PCDHB1: variants seen among roughly 807,000 people sequenced by gnomAD.
PCDHB1 encodes the protein protocadherin beta 1.
A neutral mutation model predicts 43.5 loss-of-function variants in PCDHB1; 44 were observed. The observed-to-expected ratio is 1.01, with a 90% CI of 0.79 to 1.30. PCDHB1 has a LOEUF of 1.30. Ranked by LOEUF, PCDHB1 falls within the 50% of genes most tolerant of loss-of-function variation. The probability of loss-of-function intolerance (pLI) is 0.00; values close to 1 mark genes in which losing one functional copy is unlikely to be tolerated. For missense variants in PCDHB1, 919 were observed against 1,008.9 expected (o/e 0.91, Z 1.21); for synonymous variants, 392 against 400.8 (o/e 0.98, Z 0.26).
In PCDHB1 at chr5:141,052,424, C is replaced by T. The variant is rs782301495; in HGVS notation, c.954C>T (p.Asp318=). The T allele has an allele frequency of 2.0e-5, 33 of 1,614,102 alleles. No homozygotes were observed. Among genetic ancestry groups the T allele is most frequent in the Middle Eastern group, 1.6e-4 (1 of 6,084 alleles). ...AAGCCATTGAAACATACGACATTGA[C>T]ATTCAAGCTACAGATGGTGGAGGCC... The part of the protein sequence containing the change: ...DFEAIETYDI[D]IQATDGGGLS... The change falls in exon 1 of 1, where the codon GAC becomes GAT. Residue 318 remains aspartate (D), a synonymous_variant. Transcript: ENST00000306549.
rs1304018317 is a variant in PCDHB1, at chr5:141,055,918, A to G, written c.*1991A>G. The G allele has an allele frequency of 1.3e-5, 2 of 152,208 alleles. No homozygotes were observed. Among genetic ancestry groups the G allele is most frequent in the Non-Finnish European group, 2.9e-5 (2 of 68,042 alleles). 9.4% of individuals were successfully genotyped at this position (152,208 alleles called of 1,614,324 possible). The stretch of plus-strand genomic sequence containing the variant: ...CTTGAAAGTCAAAAGTTTGCTTTAG[A>G]GAAGGGCATGGTGGCTCATACCTGT... On this transcript the variant is annotated 3_prime_UTR_variant, in exon 1 of 1. Transcript: ENST00000306549.
At position 141,055,516 on chromosome 5, in the gene PCDHB1, T is replaced by C. The variant is rs1186109006; in HGVS notation, c.*1589T>C. 3.3e-5 allele frequency: 5 copies of C among 152,226 alleles called. No individual in the cohort carries two copies. Among genetic ancestry groups the C allele is most frequent in the South Asian group, 2.1e-4 (1 of 4,832 alleles). 9.4% of individuals were successfully genotyped at this position (152,226 alleles called of 1,614,324 possible). On this transcript the variant is annotated 3_prime_UTR_variant, in exon 1 of 1. Transcript: ENST00000306549. ...GAACACTCTAAACTATTTTGTGCCA[T>C]TAAGTGTACACAACATTTATTGTAA...
Position 141,052,500 on chromosome 5 carries a change from C to A in PCDHB1, c.1030C>A (p.Pro344Thr). ...LVEVVDVNDNPPEVMVSSVSS... is the reference protein window; with the variant it reads ...LVEVVDVNDNTPEVMVSSVSS... ...AGAAGTGGTGGATGTGAATGACAAT[C>A]CTCCCGAAGTGATGGTCTCCTCTGT... Residue 344 changes from proline to threonine, a missense_variant, in exon 1 of 1, where the codon CCT (proline) becomes ACT (threonine). By Grantham distance (38) the Pro-to-Thr change is conservative. Transcript: ENST00000306549. The A allele has an allele frequency of 8.7e-6, 14 of 1,614,212 alleles. No individual in the cohort carries two copies. Among genetic ancestry groups the A allele is most frequent in the Non-Finnish European group, 1.2e-5 (14 of 1,180,038 alleles).
Position 141,052,567 on chromosome 5 carries a change from T to C in PCDHB1, c.1097T>C (p.Val366Ala), listed in dbSNP as rs1445032639. The change falls in exon 1 of 1, where the codon GTA becomes GCA. Residue 366 changes from valine (V) to alanine (A), a missense_variant. Coordinates refer to ENST00000306549, the MANE Select transcript of PCDHB1 (RefSeq NM_013340.4). ...LPEDSPPQTVVALFTIRDRDI... is the reference protein window; with the variant it reads ...LPEDSPPQTVAALFTIRDRDI... The stretch of plus-strand genomic sequence containing the variant: ...GAAGACTCACCACCACAGACAGTAG[T>C]AGCCCTTTTCACTATCAGAGACCGG... The C allele has an allele frequency of 6.8e-6, 11 of 1,614,026 alleles. No homozygotes were observed. The highest frequency in any genetic ancestry group is 1.6e-4 in the Middle Eastern group (1 of 6,084).
Position 141,051,932 on chromosome 5 carries a change from G to A in PCDHB1, c.462G>A (p.Leu154=). 1 of 1,614,200 alleles carries A rather than the reference G, an allele frequency of 6.2e-7. No individual in the cohort carries two copies. Among genetic ancestry groups the A allele is most frequent in the Non-Finnish European group, 8.5e-7 (1 of 1,180,032 alleles). ...ESTPLGSRFP[L]QSAQDLDVGL... ...CCCCTTTGGGTTCACGTTTTCCTCT[G>A]CAGAGCGCCCAGGATCTGGACGTGG... Residue 154 remains leucine, a synonymous_variant, in exon 1 of 1, where the codon CTG becomes CTA. Coordinates refer to ENST00000306549, the MANE Select transcript of PCDHB1 (RefSeq NM_013340.4).
rs1378809214 is a variant in PCDHB1, at chr5:141,054,562, T to C, written c.*635T>C. 1.3e-5 allele frequency: 2 copies of C among 152,100 alleles called. No individual in the cohort carries two copies. The highest frequency in any genetic ancestry group is 1.9e-4 in the East Asian group (1 of 5,190). The allele number at this position is 152,100 out of a possible 1,614,324, so 9.4% of individuals were successfully genotyped here. A position where few individuals can be genotyped will look rare whatever the true frequency, so the allele number is the denominator to read the frequency against. ...AAATGGTGATCTTCACAAATAATCA[T>C]GGTGGGAGGAAGGGTGGAGAAAGAA... On this transcript the variant is annotated 3_prime_UTR_variant, in exon 1 of 1. Coordinates refer to ENST00000306549, the MANE Select transcript of PCDHB1 (RefSeq NM_013340.4).
At position 141,057,199 on chromosome 5, in the gene PCDHB1, C is replaced by T. The variant is rs991311143; in HGVS notation, c.*3272C>T. On this transcript the variant is annotated 3_prime_UTR_variant, in exon 1 of 1. Transcript: ENST00000306549. The stretch of plus-strand genomic sequence containing the variant: ...TTCACATTAAATGAGATAAAATCTA[C>T]CACTTCACGCCACCATTATTCCATA... 6.6e-6 allele frequency: 1 copy of T among 151,964 alleles called. No individual in the cohort carries two copies. The highest frequency in any genetic ancestry group is 2.4e-5 in the African/African-American group (1 of 41,372). 9.4% of individuals were successfully genotyped at this position (151,964 alleles called of 1,614,324 possible).
rs193187032 is a variant in PCDHB1, at chr5:141,058,054, C to T, written c.*4127C>T. 6.6e-6 allele frequency: 1 copy of T among 152,236 alleles called. No individual in the cohort carries two copies. The highest frequency in any genetic ancestry group is 1.5e-5 in the Non-Finnish European group (1 of 68,008). 9.4% of individuals were successfully genotyped at this position (152,236 alleles called of 1,614,324 possible). A position where few individuals can be genotyped will look rare whatever the true frequency, so the allele number is the denominator to read the frequency against. On this transcript the variant is annotated 3_prime_UTR_variant, in exon 1 of 1. Transcript: ENST00000306549. ...ATACTATAGATAGTTCCTGTATATC[C>T]TTCACCTAACTTCCCGGAATGCTAA...
Position 141,051,855 on chromosome 5 carries a change from A to T in PCDHB1, c.385A>T (p.Asn129Tyr). The change falls in exon 1 of 1, where the codon AAT becomes TAT. Residue 129 changes from asparagine to tyrosine, a missense_variant. Physicochemically the swap from Asn to Tyr is moderately radical, Grantham distance 143 (BLOSUM62 -2). Coordinates refer to ENST00000306549, the MANE Select transcript of PCDHB1 (RefSeq NM_013340.4). ...GGTCAGGGTATTTGATATCAATGAC[A>T]ATGCCCCAGTTTTCCTAAACAAGGA... ...AEVRVFDIND[N>Y]APVFLNKEPL... 2.5e-6 allele frequency: 4 copies of T among 1,614,218 alleles called. No homozygotes were observed. The highest frequency in any genetic ancestry group is 3.4e-6 in the Non-Finnish European group (4 of 1,180,036).
rs1751113134 is a variant in PCDHB1 at position 141,055,448 on chromosome 5, A to C, written c.*1521A>C. On this transcript the variant is annotated 3_prime_UTR_variant, in exon 1 of 1. Transcript: ENST00000306549. Reference sequence around the variant, plus strand: ...CAAAAACATAAAAATAAATACATAAATACATAAATACATAAGGCCTGCTGT... The same window carrying C: ...CAAAAACATAAAAATAAATACATAACTACATAAATACATAAGGCCTGCTGT... The C allele has an allele frequency of 6.6e-6, 1 of 152,144 alleles. No individual in the cohort carries two copies. Among genetic ancestry groups the C allele is most frequent in the Admixed American group, 6.5e-5 (1 of 15,268 alleles). The allele number at this position is 152,144 out of a possible 1,614,324, so 9.4% of individuals were successfully genotyped here.
Position 141,051,832 on chromosome 5 carries a change from T to C in PCDHB1, c.362T>C (p.Val121Ala). Residue 121 changes from valine to alanine, a missense_variant, in exon 1 of 1, where the codon GTC (valine) becomes GCC (alanine). Coordinates refer to ENST00000306549, the MANE Select transcript of PCDHB1 (RefSeq NM_013340.4). ...CCGCTGCAGTCCTTCCGGGCCGAGG[T>C]CAGGGTATTTGATATCAATGACAAT... Reference protein sequence around the residue: ...VEPLQSFRAEVRVFDINDNAP... With the variant: ...VEPLQSFRAEARVFDINDNAP... 1 of 1,614,104 alleles carries C rather than the reference T, an allele frequency of 6.2e-7. No individual in the cohort carries two copies. The highest frequency in any genetic ancestry group is 8.5e-7 in the Non-Finnish European group (1 of 1,180,022).
In PCDHB1 at chr5:141,051,595, G is replaced by A. The variant is rs140398806; in HGVS notation, c.125G>A (p.Gly42Asp). The change falls in exon 1 of 1, where the codon GGC becomes GAC. Residue 42 changes from glycine (G) to aspartate (D), a missense_variant. Physicochemically the swap from Gly to Asp is moderately conservative, Grantham distance 94. Transcript: ENST00000306549. ...RYSVAEEMES[G>D]SFVANVAKDL... ...TCAGTGGCAGAGGAAATGGAGAGCG[G>A]CTCGTTTGTGGCCAACGTAGCTAAG... 45 of 1,614,250 alleles carry A rather than the reference G, an allele frequency of 2.8e-5. No individual in the cohort carries two copies. In the African/African-American group the frequency reaches 5.2e-4, roughly 19 times the overall value.
rs1588283109 is a variant in PCDHB1, at chr5:141,052,332, A to G, written c.862A>G (p.Ile288Val). The change falls in exon 1 of 1, where the codon ATT becomes GTT. Residue 288 changes from isoleucine (I) to valine (V), a missense_variant. By Grantham distance (29) the Ile-to-Val change is conservative. Transcript: ENST00000306549. Reference protein sequence around the residue: ...TYSLAQNPEAILKTFQIDPQN... With the variant: ...TYSLAQNPEAVLKTFQIDPQN... ...CTCTTTAGCTCAAAACCCAGAAGCA[A>G]TTCTCAAGACGTTTCAGATTGACCC... The G allele has an allele frequency of 1.2e-6, 2 of 1,614,236 alleles. No homozygotes were observed. Among genetic ancestry groups the G allele is most frequent in the Middle Eastern group, 1.6e-4 (1 of 6,062 alleles).
chr5:141,051,554 G>A lies in PCDHB1; in HGVS notation c.84G>A (p.Ala28=), dbSNP rs782026977. The change falls in exon 1 of 1, where the codon GCG becomes GCA. Residue 28 remains alanine (A), a synonymous_variant. Transcript: ENST00000306549. ...LIFLCISVGD[A]TTIRYSVAEE... is the part of the protein sequence containing the mutation. ...TTCTGTGCATATCTGTGGGGGATGC[G>A]ACAACTATCCGCTATTCAGTGGCAG... 14 of 1,614,234 alleles carry A rather than the reference G, an allele frequency of 8.7e-6. No individual in the cohort carries two copies. The East Asian group carries it at 3.1e-4, about 36-fold the overall frequency.
rs1485717502 is a variant in PCDHB1 at position 141,051,716 on chromosome 5, A to G, written c.246A>G (p.Gly82=). The G allele has an allele frequency of 1.9e-6, 3 of 1,614,162 alleles. No homozygotes were observed. The highest frequency in any genetic ancestry group is 2.5e-6 in the Non-Finnish European group (3 of 1,180,038). ...ATTTCCGGCTCCACCGCAAGACGGG[A>G]GATTTGTTTGTGAAGGAGAAACTGG... ...KMHFRLHRKT[G]DLFVKEKLDR... is the part of the protein sequence containing the mutation. The change falls in exon 1 of 1, where the codon GGA becomes GGG. Residue 82 remains glycine, a synonymous_variant. Transcript: ENST00000306549.
Position 141,051,510 on chromosome 5 carries a change from G to A in PCDHB1, c.40G>A (p.Val14Met). ...CAGAAAATCTTTGCAAAACAGGCAA[G>A]TGGGATCTCTTCTCATTTTTCTGTG... The part of the protein sequence containing the change: ...TRRKSLQNRQ[V>M]GSLLIFLCIS... Residue 14 changes from valine (V) to methionine (M), a missense_variant, in exon 1 of 1, where the codon GTG becomes ATG. Coordinates refer to ENST00000306549, the MANE Select transcript of PCDHB1 (RefSeq NM_013340.4). The A allele has an allele frequency of 4.3e-6, 7 of 1,614,278 alleles. No individual in the cohort carries two copies. The highest frequency in any genetic ancestry group is 5.1e-6 in the Non-Finnish European group (6 of 1,180,050).
In PCDHB1 at chr5:141,052,900, A is replaced by G; in HGVS notation, c.1430A>G (p.Glu477Gly). ...GTTTTTATTGGCAAAGTCCATGCTG[A>G]GGATCTTGATTTGGGTGAGAATGCC... ...PAVFIGKVHA[E>G]DLDLGENAQI... The change falls in exon 1 of 1, where the codon GAG becomes GGG. Residue 477 changes from glutamate to glycine, a missense_variant. By Grantham distance (98) the Glu-to-Gly change is moderately conservative (BLOSUM62 -2). Transcript: ENST00000306549. 6.2e-7 allele frequency: 1 copy of G among 1,614,224 alleles called. No homozygotes were observed. Among genetic ancestry groups the G allele is most frequent in the Non-Finnish European group, 8.5e-7 (1 of 1,180,040 alleles).
At position 141,051,678 on chromosome 5, in the gene PCDHB1, G is replaced by A. The variant is rs1017358082; in HGVS notation, c.208G>A (p.Gly70Ser). The change falls in exon 1 of 1, where the codon GGC (glycine) becomes AGC (serine). Residue 70 changes from glycine to serine, a missense_variant. Coordinates refer to ENST00000306549, the MANE Select transcript of PCDHB1 (RefSeq NM_013340.4). ...GCGCGGGGCGCGGCTGGTTTCCGAG[G>A]GCAACAAAATGCATTTCCGGCTCCA... Reference protein sequence around the residue: ...AARGARLVSEGNKMHFRLHRK... With the variant: ...AARGARLVSESNKMHFRLHRK... 3.1e-6 allele frequency: 5 copies of A among 1,614,108 alleles called. No individual in the cohort carries two copies. In the African/African-American group the frequency reaches 5.3e-5, roughly 17 times the overall value.
rs1352007444 is a variant in PCDHB1, at chr5:141,051,381, G to C, written c.-90G>C. 5 of 1,394,776 alleles carry C rather than the reference G, an allele frequency of 3.6e-6. No individual in the cohort carries two copies. Among genetic ancestry groups the C allele is most frequent in the African/African-American group, 1.4e-5 (1 of 70,842 alleles). 86.4% of individuals were successfully genotyped at this position (1,394,776 alleles called of 1,614,324 possible). ...TGCAGTTAGAGGCTAGTGAAGCGGA[G>C]AGCAGCTGTTGCAGTAACCTGTTGC... On this transcript the variant is annotated 5_prime_UTR_variant, in exon 1 of 1. Transcript: ENST00000306549.
Sources: allele counts gnomAD v4.1 joint callset, GRCh38; gene constraint gnomAD v4.1.1; transcripts MANE v1.5; gene names NCBI Gene and HGNC (gene_info 2026-07-23, HGNC 2026-07-21).